The following R3HDM1 variants were observed in gnomAD, a reference collection of about 807,000 sequenced individuals.
The protein encoded by R3HDM1 is R3H domain containing 1.
Under a neutral mutation model 141.1 loss-of-function variants are expected in R3HDM1, and 46 were observed. That is an observed-to-expected ratio of 0.33 (90% confidence interval 0.26 to 0.42). The LOEUF (loss-of-function observed/expected upper bound fraction) is 0.42. R3HDM1 is among the 10% of genes least tolerant of loss of function. R3HDM1 has a pLI of 1.00. For missense variants in R3HDM1, 1,184 were observed against 1,368.3 expected (o/e 0.87, Z 2.12); for synonymous variants, 435 against 472.9 (o/e 0.92, Z 1.04).
intron 1 of R3HDM1, among the ~76,000 whole-genome samples, chr2:135,581,912 C>T (rs1002473596): frequency 6.6e-6 from 1 of 152,184 alleles, no homozygotes; most frequent in East Asian, 1.9e-4. Flanking sequence ...TATATTGACT[C>T]TAAGCCTTGA....
intron 14 of R3HDM1, among the ~76,000 whole-genome samples, chr2:135,639,928 C>T (rs904130582): frequency 6.6e-6 from 1 of 152,092 alleles, no homozygotes; most frequent in African/African-American, 2.4e-5. Flanking sequence ...AAAACCCCAT[C>T]TCTACTAAAA....
chr2:135,604,381 C>G (rs1349124276), intron 2 of R3HDM1, among the ~76,000 whole-genome samples: 1 of 152,166 alleles, frequency 6.6e-6, no homozygotes, highest in Non-Finnish European at 1.5e-5. Flanking sequence ...CTTGATCTGG[C>G]TCGGTCCTTA....
At chr2:135,605,084 C>G in intron 3 of R3HDM1, 68 bp downstream of exon 3, 1 of 1,308,628 alleles carries the variant, frequency 7.6e-7, no homozygotes, top group Admixed American at 2.2e-5. Context: ...TATTTTCATA[C>G]AAAACTCACT....
intron 3 of R3HDM1, among the ~76,000 whole-genome samples, chr2:135,610,730 A>AT (rs1445109255): frequency 6.6e-6 from 1 of 152,152 alleles, no homozygotes; most frequent in African/African-American, 2.4e-5. Context: ...GAAATGAAGT[A>AT]TTTTTTTAAA....
chr2:135,661,216 A>C (rs2066662418), intron 18 of R3HDM1, 54 bp from the exon 19 acceptor site: 1 of 1,595,610 alleles, frequency 6.3e-7, no homozygotes, highest in African/African-American at 1.3e-5. Flanking sequence ...CTCACAGAAA[A>C]ACATATGTAA....
chr2:135,623,874 A>G (rs2061737401), intron 7 of R3HDM1, among the ~76,000 whole-genome samples: 1 of 152,242 alleles, frequency 6.6e-6, no homozygotes, highest in South Asian at 2.1e-4. Context: ...CAGGTGCTGT[A>G]ATAGCCAGAG....
chr2:135,544,679 A>C (rs1305870334), intron 1 of R3HDM1, among the ~76,000 whole-genome samples: 3 of 152,194 alleles, frequency 2.0e-5, no homozygotes, highest in African/African-American at 7.2e-5. Flanking sequence ...GCACAGGGCC[A>C]GGCATGGTGG....
At chr2:135,586,600 G>C (rs1405594217) in intron 1 of R3HDM1, 1 of 625,398 alleles carries the variant, frequency 1.6e-6, no homozygotes, top group Non-Finnish European at 2.0e-6. Context: ...TTTGTTAGAG[G>C]ATGTGTGATA....
intron 1 of R3HDM1, chr2:135,590,431 C>T (rs1162238855): frequency 8.4e-6 from 4 of 477,066 alleles, no homozygotes; most frequent in Non-Finnish European, 1.1e-5. Flanking sequence ...CTGTATGCCC[C>T]CTTGAGCTCC....
chr2:135,703,023 C>T (rs1271711552), intron 21 of R3HDM1, among the ~76,000 whole-genome samples: 1 of 152,126 alleles, frequency 6.6e-6, no homozygotes, highest in Non-Finnish European at 1.5e-5. Flanking sequence ...ATGCGCTGGT[C>T]AGAATATGCC....
At chr2:135,579,873 A>G (rs1475506867) in intron 1 of R3HDM1, among the ~76,000 whole-genome samples, 1 of 152,176 alleles carries the variant, frequency 6.6e-6, no homozygotes, top group Non-Finnish European at 1.5e-5. Flanking sequence ...AACACATTAT[A>G]AGGGGAAGTT....
At chr2:135,572,226 A>T (rs1029966099) in intron 1 of R3HDM1, among the ~76,000 whole-genome samples, 4 of 152,204 alleles carry the variant, frequency 2.6e-5, no homozygotes, top group Admixed American at 1.3e-4. Flanking sequence ...AAGTGATGGG[A>T]TTACAGGCAT....
intron 18 of R3HDM1, among the ~76,000 whole-genome samples, chr2:135,654,295 G>GCA (rs968621633): frequency 3.2e-4 from 49 of 151,400 alleles, no homozygotes; most frequent in African/African-American, 9.7e-4. Context: ...CGTAGCATAG[G>GCA]CACACACACA....
In R3HDM1 at chr2:135,721,831, G is replaced by A. The variant is rs556121257; in HGVS notation, c.2882-93G>A. The A allele has an allele frequency of 6.4e-5, 66 of 1,036,868 alleles. No homozygotes were observed. The African/African-American group carries it at 6.7e-4, about 11-fold the overall frequency. 64.2% of individuals were successfully genotyped at this position (1,036,868 alleles called of 1,614,324 possible). On this transcript the variant is annotated intron_variant, in intron 24 of 26. Transcript: ENST00000683871. The stretch of plus-strand genomic sequence containing the variant: ...TCGAACTCCTGGCCTTAAGTAATCC[G>A]CCTGCCTCAGCCTCCCAAATTGCTA...
chr2:135,579,146 C>T (rs1347723611), intron 1 of R3HDM1, among the ~76,000 whole-genome samples: 2 of 152,004 alleles, frequency 1.3e-5, no homozygotes, highest in African/African-American at 2.4e-5. Context: ...TTGAGTCTGG[C>T]GCAAGAATAA....
chr2:135,699,036 TAGA>T (rs1227304701), intron 21 of R3HDM1, among the ~76,000 whole-genome samples: 2,558 of 108,244 alleles, frequency 0.024, 47 homozygotes, highest in East Asian at 0.05. Flanking sequence ...GATAGATAGA[TAGA>T]TAGATAAGAT....
intron 1 of R3HDM1, among the ~76,000 whole-genome samples, chr2:135,554,326 A>C (rs1700335180): frequency 6.6e-6 from 1 of 152,214 alleles, no homozygotes; most frequent in African/African-American, 2.4e-5. Flanking sequence ...GGGTTCATCC[A>C]TGTTGTAGCA....
intron 3 of R3HDM1, among the ~76,000 whole-genome samples, chr2:135,610,371 C>T (rs1307684472): frequency 6.6e-6 from 1 of 152,192 alleles, no homozygotes; most frequent in African/African-American, 2.4e-5. Flanking sequence ...GAGCTGATTT[C>T]TGTTAAAAAC....
chr2:135,625,636 C>T (rs1247110510), intron 7 of R3HDM1, among the ~76,000 whole-genome samples: 1 of 152,042 alleles, frequency 6.6e-6, no homozygotes, highest in Non-Finnish European at 1.5e-5. Flanking sequence ...TCAGATTAGG[C>T]GGGTCACTGG....
Sources: gnomAD v4.1 joint callset for allele counts (sites outside exome capture counted in the v4.1 genomes callset) on GRCh38, gnomAD v4.1.1 for gene constraint, MANE v1.5 for transcripts, NCBI Gene and HGNC (gene_info 2026-07-23, HGNC 2026-07-21) for gene names.